The following THSD7B variants were observed in gnomAD, a reference collection of about 807,000 sequenced individuals.
THSD7B encodes the protein thrombospondin type-1 domain-containing protein 7B.
A neutral mutation model predicts 213.6 loss-of-function variants in THSD7B; 138 were observed. The ratio of observed to expected loss-of-function variants is 0.65; its 90% CI spans 0.56 to 0.74. The LOEUF is 0.74. THSD7B is among the 30% of genes least tolerant of loss of function. The pLI, the probability that THSD7B is intolerant of heterozygous loss-of-function variation, is 0.00. For missense variants in THSD7B, 1,931 were observed against 1,991.5 expected, an observed-to-expected ratio of 0.97 and a Z score of 0.58; for synonymous variants, 742 against 687.0, an observed-to-expected ratio of 1.08 and a Z score of -1.25.
intron 7 of THSD7B, among the ~76,000 whole-genome samples, chr2:137,190,806 C>A (rs1304807747): frequency 6.6e-6 from 1 of 152,206 alleles, no homozygotes; most frequent in African/African-American, 2.4e-5. Context: ...GGGATTGCAC[C>A]TTTTCCCTCG....
chr2:136,795,328 C>T (rs572080974), intron 1 of THSD7B, among the ~76,000 whole-genome samples: 5 of 151,818 alleles, frequency 3.3e-5, no homozygotes, highest in South Asian at 4.2e-4. Context: ...AGGGGCTGTT[C>T]GAGGCTTCCT....
chr2:137,443,667 G>T (rs186762216), intron 14 of THSD7B, among the ~76,000 whole-genome samples: 1 of 151,892 alleles, frequency 6.6e-6, no homozygotes, highest in African/African-American at 2.4e-5. Flanking sequence ...TTGAGTTCCC[G>T]TTCTACTTCT....
At chr2:136,811,493 AAATT>A (rs1682376458) in intron 1 of THSD7B, among the ~76,000 whole-genome samples, 1 of 152,150 alleles carries the variant, frequency 6.6e-6, no homozygotes, top group Non-Finnish European at 1.5e-5. Flanking sequence ...TAGATTAAAT[AAATT>A]AATTCCATAG....
chr2:137,021,079 C>A (rs1271966511), intron 2 of THSD7B, among the ~76,000 whole-genome samples: 1 of 152,066 alleles, frequency 6.6e-6, no homozygotes, highest in Admixed American at 6.6e-5. Flanking sequence ...CAGAGTTTTT[C>A]GAGTAGAAAT....
intron 12 of THSD7B, among the ~76,000 whole-genome samples, chr2:137,346,466 A>T (rs1684878468): frequency 6.6e-6 from 1 of 150,868 alleles, no homozygotes; most frequent in Non-Finnish European, 1.5e-5. Flanking sequence ...TGTGCATAAT[A>T]TTAATATTCC....
intron 9 of THSD7B, among the ~76,000 whole-genome samples, chr2:137,237,810 G>T (rs898906220): frequency 5.9e-5 from 9 of 152,086 alleles, no homozygotes; most frequent in Non-Finnish European, 1.0e-4. Flanking sequence ...GGAAGAGAAA[G>T]TTGAATCCCT....
At chr2:137,012,910 T>C (rs766254070) in intron 2 of THSD7B, among the ~76,000 whole-genome samples, 2 of 152,232 alleles carry the variant, frequency 1.3e-5, no homozygotes, top group African/African-American at 2.4e-5. Context: ...GGACAGAAAC[T>C]ACCTGGAGTA....
intron 2 of THSD7B, among the ~76,000 whole-genome samples, chr2:136,966,503 C>T (rs750268616): frequency 1.7e-4 from 26 of 152,266 alleles, no homozygotes; most frequent in Admixed American, 9.8e-4. Flanking sequence ...AGGCATGAGC[C>T]GCTGTGTCCA....
intron 14 of THSD7B, among the ~76,000 whole-genome samples, chr2:137,424,427 G>A (rs554763006): frequency 6.6e-6 from 1 of 152,074 alleles, no homozygotes; most frequent in South Asian, 2.1e-4. Flanking sequence ...GACACTATGA[G>A]AAAAGAAAAT....
chr2:136,993,183 G>A (rs1685819935), intron 2 of THSD7B, among the ~76,000 whole-genome samples: 1 of 152,230 alleles, frequency 6.6e-6, no homozygotes, highest in Non-Finnish European at 1.5e-5. Context: ...TGTTTTGGAT[G>A]TATATGAGAA....
At chr2:137,150,938 G>A (rs1351596736) in intron 5 of THSD7B, among the ~76,000 whole-genome samples, 1 of 152,138 alleles carries the variant, frequency 6.6e-6, no homozygotes, top group East Asian at 1.9e-4. Context: ...AAAATACAGT[G>A]TAAAAGATTA....
intron 12 of THSD7B, among the ~76,000 whole-genome samples, chr2:137,279,636 A>G (rs1216313927): frequency 2.0e-5 from 3 of 152,158 alleles, no homozygotes; most frequent in Non-Finnish European, 4.4e-5. Flanking sequence ...AGCTAGGTCC[A>G]GGAAGGAAAT....
Position 137,028,331 on chromosome 2 carries a change from C to CT in THSD7B, c.140-28088dup, listed in dbSNP as rs147097391. 2.7e-3 allele frequency among the ~76,000 whole-genome samples: 404 copies of CT among 152,208 alleles called. 4 individuals are homozygous for CT. Among genetic ancestry groups the CT allele is most frequent in the African/African-American group, 9.5e-3 (394 of 41,536 alleles). On this transcript the variant is annotated intron_variant, in intron 2 of 27. Transcript: ENST00000409968. The stretch of plus-strand genomic sequence containing the variant: ...GCAGGAATCCCTGTTACTGTTAAAA[C>CT]TGGGTGTGAAGAAAATTGCTTGTAG...
intron 10 of THSD7B, among the ~76,000 whole-genome samples, chr2:137,247,659 A>C (rs1682070786): frequency 6.6e-6 from 1 of 152,128 alleles, no homozygotes; most frequent in South Asian, 2.1e-4. Context: ...GGTAACAGGA[A>C]GGCCAACAGC....
chr2:137,143,882 GA>G (rs1478425059), intron 5 of THSD7B, among the ~76,000 whole-genome samples: 1 of 151,864 alleles, frequency 6.6e-6, no homozygotes, highest in Non-Finnish European at 1.5e-5. Flanking sequence ...CCAATCATCT[GA>G]ATTTTTTTGA....
At chr2:137,025,093 G>T (rs376520079) in intron 2 of THSD7B, among the ~76,000 whole-genome samples, 8 of 152,254 alleles carry the variant, frequency 5.3e-5, no homozygotes, top group East Asian at 1.9e-4. Context: ...AAACTCTTCT[G>T]CTGAGAGTTC....
chr2:137,305,522 C>A (rs1218971358), intron 12 of THSD7B, among the ~76,000 whole-genome samples: 1 of 152,062 alleles, frequency 6.6e-6, no homozygotes, highest in Non-Finnish European at 1.5e-5. Flanking sequence ...TAAGCTGGGG[C>A]TTCTTTCAGA....
chr2:137,586,378 A>G (rs1681728107), intron 17 of THSD7B, among the ~76,000 whole-genome samples: 1 of 152,190 alleles, frequency 6.6e-6, no homozygotes, highest in East Asian at 1.9e-4. Context: ...TCCTGTCATT[A>G]TGATGCTAGC....
intron 12 of THSD7B, among the ~76,000 whole-genome samples, chr2:137,373,456 G>A (rs13384394): frequency 0.28 from 42,698 of 152,092 alleles, 6,184 homozygotes; most frequent in South Asian, 0.31. Flanking sequence ...CAGTGATGGT[G>A]AGCATTTTTT....
Sources: allele counts gnomAD v4.1 joint callset (sites outside exome capture counted in the v4.1 genomes callset), GRCh38; gene constraint gnomAD v4.1.1; transcripts MANE v1.5; gene names NCBI Gene and HGNC (gene_info 2026-07-23, HGNC 2026-07-21).